Variants in TOX observed in about 807,000 individuals in gnomAD.
TOX encodes the protein thymocyte selection-associated high mobility group box protein TOX.
A neutral mutation model predicts 53.7 loss-of-function variants in TOX; 11 were observed. The observed-to-expected ratio is 0.20, with a 90% CI of 0.13 to 0.34. TOX has a LOEUF of 0.34. Ranked by LOEUF, TOX falls within the 10% of genes least tolerant of loss-of-function variation. The pLI is 1.00. For missense variants in TOX, 570 were observed against 664.6 expected, an observed-to-expected ratio of 0.86 and a Z score of 1.56; for synonymous variants, 225 against 245.3, an observed-to-expected ratio of 0.92 and a Z score of 0.77.
chr8:59,117,551 C>T lies in TOX; in HGVS notation c.102+1335G>A, dbSNP rs1280599665. On this transcript the variant is annotated intron_variant, in intron 1 of 8. Coordinates refer to ENST00000361421, the MANE Select transcript of TOX (RefSeq NM_014729.3). The surrounding 1 kb of genome is among the most constrained non-coding windows in gnomAD (Gnocchi z 4.6). ...GGGAAGTGTGTGTGTGAGAGCCTGC[C>T]TGTGTGTCAACACTGTCCAAGACTC... is the stretch of plus-strand genomic sequence containing the variant. Among the ~76,000 whole-genome samples, 3 of 152,248 alleles carry T rather than the reference C, an allele frequency of 2.0e-5. No homozygotes were observed. Among genetic ancestry groups the T allele is most frequent in the African/African-American group, 7.2e-5 (3 of 41,470 alleles).
At chr8:58,996,817 T>C (rs1022928660) in intron 1 of TOX, among the ~76,000 whole-genome samples, 2 of 152,238 alleles carry the variant, frequency 1.3e-5, no homozygotes, top group African/African-American at 4.8e-5. Flanking sequence ...GAAAAGACCA[T>C]GATCCTTGAG....
chr8:59,085,260 C>T (rs2129423408), intron 1 of TOX, among the ~76,000 whole-genome samples: 1 of 152,338 alleles, frequency 6.6e-6, no homozygotes, highest in African/African-American at 2.4e-5. Context: ...CTACCAGCAA[C>T]TGAAGGCTGA....
At chr8:58,929,827 A>G (rs1424963405) in intron 3 of TOX, among the ~76,000 whole-genome samples, 1 of 152,162 alleles carries the variant, frequency 6.6e-6, no homozygotes, top group Non-Finnish European at 1.5e-5. Flanking sequence ...TATTACTGCT[A>G]CTTCTGCCCC....
At chr8:58,935,197 C>T (rs1008565844) in intron 3 of TOX, among the ~76,000 whole-genome samples, 2 of 151,294 alleles carry the variant, frequency 1.3e-5, no homozygotes, top group African/African-American at 4.9e-5. Flanking sequence ...ATATAAGTAA[C>T]ACATCTATAA....
intron 1 of TOX, among the ~76,000 whole-genome samples, chr8:59,092,333 T>TATATTATAC (rs1804636402): frequency 2.3e-5 from 3 of 127,780 alleles, no homozygotes; most frequent in Admixed American, 9.3e-5. Context: ...ATATATTATA[T>TATATTATAC]ATTATATATA....
chr8:58,846,859 G>A (rs13251536), intron 4 of TOX, among the ~76,000 whole-genome samples: 18,603 of 152,110 alleles, frequency 0.12, 1,318 homozygotes, highest in Middle Eastern at 0.18. Flanking sequence ...AGATTAGACT[G>A]TCAGTGCAAG....
intron 1 of TOX, among the ~76,000 whole-genome samples, chr8:58,968,611 G>A (rs1230352146): frequency 1.3e-5 from 2 of 152,126 alleles, no homozygotes; most frequent in African/African-American, 4.8e-5. Context: ...ACATAGATGT[G>A]GAATGAAAAG....
chr8:59,066,685 T>C (rs1354713114), intron 1 of TOX, among the ~76,000 whole-genome samples: 1 of 152,212 alleles, frequency 6.6e-6, no homozygotes, highest in Non-Finnish European at 1.5e-5. Flanking sequence ...TTGTCTGCCC[T>C]GTGTAATATT....
chr8:59,046,879 A>G (rs112551709), intron 1 of TOX, among the ~76,000 whole-genome samples: 49 of 150,502 alleles, frequency 3.3e-4, no homozygotes, highest in Non-Finnish European at 4.7e-4. Flanking sequence ...AAAAAAAAAA[A>G]AAAAGAAAAG....
intron 2 of TOX, among the ~76,000 whole-genome samples, chr8:58,947,837 G>A (rs559926921): frequency 6.6e-6 from 1 of 152,284 alleles, no homozygotes; most frequent in South Asian, 2.1e-4. Context: ...AGTGATCAGG[G>A]GAGGACCACA....
chr8:59,021,481 A>AAAATATATATATAT (rs59174995), intron 1 of TOX, among the ~76,000 whole-genome samples: 35 of 64,710 alleles, frequency 5.4e-4, no homozygotes, highest in African/African-American at 1.7e-3. Context: ...AAAAAAAAAA[A>AAAATATATATATAT]ATATATATAT....
rs149510840 is a variant in TOX at position 58,970,085 on chromosome 8, A to T, written c.103-10077T>A. Among the ~76,000 whole-genome samples the T allele has an allele frequency of 2.4e-3, 373 of 152,330 alleles. 2 individuals are homozygous for T. The highest frequency in any genetic ancestry group is 3.9e-3 in the Non-Finnish European group (267 of 68,030). On this transcript the variant is annotated intron_variant, in intron 1 of 8. Coordinates refer to ENST00000361421, the MANE Select transcript of TOX (RefSeq NM_014729.3). ...TGTGATATCATTCATTCATTCAACA[A>T]ATGCTCATTTTGTGCCTACTTATAT...
chr8:59,090,616 A>C (rs1370663529), intron 1 of TOX, among the ~76,000 whole-genome samples: 1 of 152,172 alleles, frequency 6.6e-6, no homozygotes, highest in Non-Finnish European at 1.5e-5. Context: ...GAAGGAATCC[A>C]AGTATTCAGG....
intron 1 of TOX, among the ~76,000 whole-genome samples, chr8:59,041,845 GAA>G (rs1317495190): frequency 6.6e-6 from 1 of 152,200 alleles, no homozygotes; most frequent in African/African-American, 2.4e-5. Flanking sequence ...GAGGAGGAGT[GAA>G]AGAGTCTCTC....
chr8:59,083,362 TA>T (rs1804445821), intron 1 of TOX, among the ~76,000 whole-genome samples: 1 of 152,194 alleles, frequency 6.6e-6, no homozygotes, highest in Admixed American at 6.5e-5. Context: ...GAAAAGACCT[TA>T]ACAATCAAAG....
At chr8:59,083,577 A>G (rs888099295) in intron 1 of TOX, among the ~76,000 whole-genome samples, 2 of 152,164 alleles carry the variant, frequency 1.3e-5, no homozygotes, top group African/African-American at 4.8e-5. Flanking sequence ...TTGGAGAATG[A>G]TTATATTTTA....
chr8:59,061,991 A>T (rs1803994371), intron 1 of TOX, among the ~76,000 whole-genome samples: 1 of 152,122 alleles, frequency 6.6e-6, no homozygotes, highest in South Asian at 2.1e-4. Context: ...GTTCTGAGGA[A>T]TATTTACTTG....
chr8:59,022,672 CAT>C (rs1432742802), intron 1 of TOX, among the ~76,000 whole-genome samples: 4 of 152,148 alleles, frequency 2.6e-5, no homozygotes, highest in Non-Finnish European at 4.4e-5. Context: ...CTGGTAAACT[CAT>C]AGTGAAGAAA....
At chr8:58,818,424 C>A (rs186408657) in intron 6 of TOX, among the ~76,000 whole-genome samples, 58 of 152,224 alleles carry the variant, frequency 3.8e-4, no homozygotes, top group African/African-American at 1.4e-3. Flanking sequence ...AATAACGTAT[C>A]CAGCCTTGTG....
Sources: allele counts gnomAD v4.1 joint callset (sites outside exome capture counted in the v4.1 genomes callset), GRCh38; gene constraint gnomAD v4.1.1; non-coding constraint Gnocchi (gnomAD v3.1); transcripts MANE v1.5; gene names NCBI Gene and HGNC (gene_info 2026-07-23, HGNC 2026-07-21).